BRD4: variants seen among roughly 807,000 people sequenced by gnomAD.
BRD4 encodes bromodomain containing 4.
A neutral mutation model predicts 142.1 loss-of-function variants in BRD4; 16 were observed. The observed-to-expected ratio is 0.11, with a 90% CI of 0.08 to 0.17. The LOEUF (loss-of-function observed/expected upper bound fraction) is 0.17, where lower values mean the gene tolerates loss of function less well. Among genes scored for constraint, BRD4 ranks in the 10% least tolerant of loss-of-function variants. The pLI is 1.00. For synonymous variants in BRD4, 833 were observed against 707.5 expected, an observed-to-expected ratio of 1.18 and a Z score of -2.82; for missense variants, 1,424 against 1,810.9, an observed-to-expected ratio of 0.79 and a Z score of 3.88.
At chr19:15,312,114 T>C (rs779038810) in intron 1 of BRD4, among the ~76,000 whole-genome samples, 2 of 152,200 alleles carry the variant, frequency 1.3e-5, no homozygotes, top group Non-Finnish European at 2.9e-5. Flanking sequence ...TCCTCAATAC[T>C]AACATGGGAA....
chr19:15,300,180 G>C (rs972711925), intron 1 of BRD4, among the ~76,000 whole-genome samples: 1 of 152,146 alleles, frequency 6.6e-6, no homozygotes, highest in African/African-American at 2.4e-5. Context: ...GGGAGGCAGA[G>C]GCTGCAGTGA....
At position 15,244,385 on chromosome 19, in the gene BRD4, C is replaced by A; in HGVS notation, c.2427G>T (p.Glu809Asp). The A allele has an allele frequency of 6.2e-7, 1 of 1,604,182 alleles. No individual in the cohort carries two copies. Among genetic ancestry groups the A allele is most frequent in the East Asian group, 2.2e-5 (1 of 44,556 alleles). ...PFIATQVPVL[E>D]PQLPGSVFDP... Reference sequence around the variant, plus strand: ...CAAAGACGCTGCCTGGGAGCTGGGGCTCCAGGACGGGCACCTGGGTGGCAA... The same window carrying A: ...CAAAGACGCTGCCTGGGAGCTGGGGATCCAGGACGGGCACCTGGGTGGCAA... Residue 809 changes from glutamate (E) to aspartate (D), a missense_variant, in exon 13 of 20, where the codon GAG becomes GAT. Transcript: ENST00000679869.
chr19:15,258,877 G>A (rs1356846479), intron 7 of BRD4, among the ~76,000 whole-genome samples: 1 of 152,216 alleles, frequency 6.6e-6, no homozygotes, highest in Non-Finnish European at 1.5e-5. Flanking sequence ...TTACAGGCAT[G>A]AGCCACTGCA....
chr19:15,303,645 G>C (rs188098612), intron 1 of BRD4, among the ~76,000 whole-genome samples: 23 of 152,294 alleles, frequency 1.5e-4, no homozygotes, highest in African/African-American at 5.5e-4. Context: ...CAGCATTCTA[G>C]CACCTATTTG....
At position 15,255,527 on chromosome 19, in the gene BRD4, T is replaced by G. The variant is rs757820620; in HGVS notation, c.1817A>C (p.Lys606Thr). 5 of 1,613,732 alleles carry G rather than the reference T, an allele frequency of 3.1e-6. No individual in the cohort carries two copies. The Admixed American group carries it at 8.3e-5, about 27-fold the overall frequency. The change falls in exon 10 of 20, where the codon AAG becomes ACG. Residue 606 changes from lysine to threonine, a missense_variant. By Grantham distance (78) the Lys-to-Thr change is moderately conservative (BLOSUM62 -1). Coordinates refer to ENST00000679869, the MANE Select transcript of BRD4 (RefSeq NM_001379291.1). Reference sequence around the variant, plus strand: ...CTCCTCATAGGACATAGGCTTGCACTTGTCCTCTTCCTCCGACTCATACGT... The same window carrying G: ...CTCCTCATAGGACATAGGCTTGCACGTGTCCTCTTCCTCCGACTCATACGT... ...PPTYESEEED[K>T]CKPMSYEEKR...
intron 1 of BRD4, among the ~76,000 whole-genome samples, chr19:15,321,195 G>C (rs1032597830): frequency 6.6e-6 from 1 of 151,862 alleles, no homozygotes; most frequent in Non-Finnish European, 1.5e-5. Flanking sequence ...CTGCACTCCA[G>C]CCTGGGCGAA....
intron 11 of BRD4, 186 bp downstream of exon 11, chr19:15,253,966 T>C: frequency 2.9e-6 from 2 of 695,014 alleles, no homozygotes; most frequent in East Asian, 2.7e-5. Flanking sequence ...TGGACACTAC[T>C]GCACAGAGTG....
At chr19:15,319,680 C>A (rs2048044978) in intron 1 of BRD4, among the ~76,000 whole-genome samples, 2 of 152,054 alleles carry the variant, frequency 1.3e-5, no homozygotes, top group East Asian at 3.9e-4. Flanking sequence ...GCCTGTAATC[C>A]CAGCACTTTA....
chr19:15,276,009 A>G (rs1365570641), intron 1 of BRD4, among the ~76,000 whole-genome samples: 1 of 152,170 alleles, frequency 6.6e-6, no homozygotes, highest in Non-Finnish European at 1.5e-5. Flanking sequence ...AAAGAAAAAG[A>G]AAAGAAAAGA....
rs2047318492 is a variant in BRD4, at chr19:15,249,168, A to C, written c.2159-4406T>G. The C allele has an allele frequency of 3.2e-6, 5 of 1,570,604 alleles. No homozygotes were observed. In the African/African-American group the frequency reaches 4.1e-5, roughly 13 times the overall value. On this transcript the variant is annotated intron_variant, in intron 11 of 19. Transcript: ENST00000679869. ...CAGGCCCAGGGCTCTGAGGAATTCC[A>C]TAACTTGATGGAGTCCTGTCCCTTT...
chr19:15,278,966 T>C (rs1405395891), intron 1 of BRD4, among the ~76,000 whole-genome samples: 15 of 152,176 alleles, frequency 9.9e-5, no homozygotes, highest in Admixed American at 9.8e-4. Flanking sequence ...CTCAGCCTCC[T>C]GAGTAGCTGG....
At chr19:15,245,513 G>C (rs1002833110) in intron 11 of BRD4, among the ~76,000 whole-genome samples, 1 of 152,176 alleles carries the variant, frequency 6.6e-6, no homozygotes, top group African/African-American at 2.4e-5. Flanking sequence ...GCCCCCACTC[G>C]TGTGGGCCGA....
At chr19:15,328,195 G>GT (rs2048126205) in intron 1 of BRD4, among the ~76,000 whole-genome samples, 1 of 151,926 alleles carries the variant, frequency 6.6e-6, no homozygotes, top group Non-Finnish European at 1.5e-5. Context: ...CTTGTACATA[G>GT]TAAGGGCTCA....
chr19:15,264,797 G>A (rs1247516489), intron 5 of BRD4, 31 bp from the exon 6 acceptor site: 2 of 1,570,958 alleles, frequency 1.3e-6, no homozygotes, highest in Non-Finnish European at 1.7e-6. Flanking sequence ...AACAGGCACA[G>A]TCAGAAGTGG....
In BRD4 at chr19:15,238,899, C is replaced by T. The variant is rs937066745; in HGVS notation, c.3864G>A (p.Gln1288=). The T allele has an allele frequency of 6.3e-7, 1 of 1,594,652 alleles. No homozygotes were observed. The highest frequency in any genetic ancestry group is 8.5e-7 in the Non-Finnish European group (1 of 1,171,988). Residue 1288 remains glutamine (Q), a synonymous_variant, in exon 19 of 20, where the codon CAG becomes CAA. Coordinates refer to ENST00000679869, the MANE Select transcript of BRD4 (RefSeq NM_001379291.1). The surrounding 1 kb of genome is among the most constrained non-coding windows in gnomAD (Gnocchi z 7.2). The stretch of plus-strand genomic sequence containing the variant: ...GCTGCTGCTGTTGCTCCTGGCGCTG[C>T]TGCTGCTGCTGCTCCTGGCGCCGAC... The part of the protein sequence containing the change: ...EARRRQEQQQ[Q]QRQEQQQQQQ...
intron 1 of BRD4, among the ~76,000 whole-genome samples, chr19:15,277,941 C>T (rs944033669): frequency 1.3e-5 from 2 of 150,604 alleles, no homozygotes; most frequent in African/African-American, 4.9e-5. Flanking sequence ...CCCATCTCTA[C>T]TAAAAATACA....
At chr19:15,310,413 T>C (rs868578145) in intron 1 of BRD4, among the ~76,000 whole-genome samples, 1 of 116,670 alleles carries the variant, frequency 8.6e-6, no homozygotes, top group African/African-American at 3.2e-5. Context: ...CAGGCTGGAG[T>C]GCAGTGGCGC....
chr19:15,324,997 T>C (rs1188123884), intron 1 of BRD4, among the ~76,000 whole-genome samples: 1 of 152,158 alleles, frequency 6.6e-6, no homozygotes, highest in African/African-American at 2.4e-5. Context: ...TGTCACCCAG[T>C]ACCATGCCCT....
At chr19:15,293,142 C>T (rs1306245061) in intron 1 of BRD4, among the ~76,000 whole-genome samples, 1 of 151,914 alleles carries the variant, frequency 6.6e-6, no homozygotes, top group Non-Finnish European at 1.5e-5. Flanking sequence ...TAAATAAGCT[C>T]ATCTTTAACT....
Sources: gnomAD v4.1 joint callset for allele counts (sites outside exome capture counted in the v4.1 genomes callset) on GRCh38, gnomAD v4.1.1 for gene constraint, Gnocchi (gnomAD v3.1) non-coding constraint, MANE v1.5 for transcripts, NCBI Gene and HGNC (gene_info 2026-07-23, HGNC 2026-07-21) for gene names.